ARHGAP40: variants seen among roughly 807,000 people sequenced by gnomAD.
ARHGAP40 encodes rho GTPase-activating protein 40.
In ARHGAP40, 43 loss-of-function variants were observed where a neutral mutation model predicts 73.5. The ratio of observed to expected loss-of-function variants is 0.58; its 90% CI spans 0.46 to 0.75. The LOEUF (loss-of-function observed/expected upper bound fraction) is 0.75, where lower values mean the gene tolerates loss of function less well. ARHGAP40 is among the 30% of genes least tolerant of loss of function. The pLI is 0.00. For synonymous variants in ARHGAP40, 300 were observed against 352.8 expected, an observed-to-expected ratio of 0.85 and a Z score of 1.68; for missense variants, 734 against 861.8, an observed-to-expected ratio of 0.85 and a Z score of 1.86.
chr20:38,633,743 C>G (rs528653649), intron 5 of ARHGAP40, among the ~76,000 whole-genome samples: 2 of 152,244 alleles, frequency 1.3e-5, no homozygotes, highest in South Asian at 2.1e-4. Flanking sequence ...CTGGCCCTCC[C>G]GCTTGCCTTC....
At chr20:38,624,293 C>T (rs748114215) in intron 2 of ARHGAP40, among the ~76,000 whole-genome samples, 16 of 152,060 alleles carry the variant, frequency 1.1e-4, no homozygotes, top group Non-Finnish European at 1.3e-4. Flanking sequence ...CACAGCATGG[C>T]GGCTGGGTTC....
chr20:38,632,267 ATT>A (rs35380499), intron 5 of ARHGAP40, among the ~76,000 whole-genome samples: 13 of 139,744 alleles, frequency 9.3e-5, no homozygotes, highest in African/African-American at 2.4e-4. Context: ...CCCGGCCTAA[ATT>A]TTTTTTTTTT....
At chr20:38,623,624 A>C in intron 2 of ARHGAP40, 66 bp downstream of exon 2, 4 of 1,193,012 alleles carry the variant, frequency 3.4e-6, no homozygotes, top group Non-Finnish European at 4.3e-6. Flanking sequence ...GAGAAATGTC[A>C]GAGGATCCAG....
chr20:38,625,522 G>A (rs537246879), intron 2 of ARHGAP40, among the ~76,000 whole-genome samples: 3 of 152,236 alleles, frequency 2.0e-5, no homozygotes, highest in African/African-American at 7.2e-5. Flanking sequence ...GGGTTCAAGC[G>A]ATTCTCCTGC....
chr20:38,641,195 C>T lies in ARHGAP40; in HGVS notation c.1280-531C>T, dbSNP rs1601149546. Among the ~76,000 whole-genome samples the T allele has an allele frequency of 1.3e-5, 2 of 152,272 alleles. 1 individual carries two copies. The highest frequency in any genetic ancestry group is 4.2e-4 in the South Asian group (2 of 4,816). On this transcript the variant is annotated intron_variant, in intron 9 of 14. Coordinates refer to ENST00000373345, the Ensembl canonical transcript of ARHGAP40. ...CTCCTACGCAGCTCTTCTCCAGGTT[C>T]CAGCCAGCTCTCAGCTGCTGGGTCT...
chr20:38,620,174 G>C (rs540422473), intron 1 of ARHGAP40, among the ~76,000 whole-genome samples: 2 of 152,374 alleles, frequency 1.3e-5, no homozygotes, highest in East Asian at 3.9e-4. Flanking sequence ...TGTATACTTA[G>C]CACCTGAGTA....
At chr20:38,639,181 C>T (rs1027850301) in intron 8 of ARHGAP40, 46 bp from the exon 9 acceptor site, 1 of 1,297,252 alleles carries the variant, frequency 7.7e-7, no homozygotes. Flanking sequence ...GCGACTTCTA[C>T]CAGAGCCCTG....
rs540855255 is a variant in ARHGAP40, at chr20:38,606,005, G to T, written c.137+3926G>T. Among the ~76,000 whole-genome samples the T allele has an allele frequency of 1.5e-4, 23 of 152,188 alleles. No individual in the cohort carries two copies. The South Asian group carries it at 4.6e-3, about 30-fold the overall frequency. The stretch of plus-strand genomic sequence containing the variant: ...GGCTCAAGTGATCCTGGGACCACAG[G>T]CATGCACCACCACGCCTAGCTATTT... On this transcript the variant is annotated intron_variant, in intron 1 of 14. Transcript: ENST00000373345.
chr20:38,648,920 G>A (rs76761298), intron 14 of ARHGAP40, among the ~76,000 whole-genome samples: 6,095 of 152,268 alleles, frequency 0.04, 419 homozygotes, highest in African/African-American at 0.14. Context: ...ATTTTGCCTA[G>A]AGCTGGCCTC....
intron 5 of ARHGAP40, among the ~76,000 whole-genome samples, chr20:38,630,102 GTTTTT>G (rs2088928825): frequency 2.2e-5 from 1 of 45,986 alleles, no homozygotes; most frequent in Non-Finnish European, 5.2e-5. Flanking sequence ...TTCTTTCTTT[GTTTTT>G]CTTTTCTTTC....
At chr20:38,645,840 C>T (rs773317506) in intron 11 of ARHGAP40, among the ~76,000 whole-genome samples, 2 of 152,220 alleles carry the variant, frequency 1.3e-5, no homozygotes, top group African/African-American at 4.8e-5. Context: ...CTCTCAGGGT[C>T]CCCTACTCCA....
intron 4 of ARHGAP40, 96 bp from the exon 5 acceptor site, chr20:38,629,403 ACTT>A: frequency 8.4e-7 from 1 of 1,185,958 alleles, no homozygotes; most frequent in Non-Finnish European, 1.1e-6. Flanking sequence ...TTGGGAGCTC[ACTT>A]CTTAGGACTA....
At chr20:38,647,171 G>A in intron 13 of ARHGAP40, 45 bp downstream of exon 13, 5 of 1,282,942 alleles carry the variant, frequency 3.9e-6, no homozygotes, top group Non-Finnish European at 5.1e-6. Context: ...CCTGCAGGGA[G>A]GGCTCTGCAC....
intron 1 of ARHGAP40, among the ~76,000 whole-genome samples, chr20:38,614,725 C>T (rs550355243): frequency 4.6e-5 from 7 of 152,252 alleles, no homozygotes; most frequent in African/African-American, 1.4e-4. Flanking sequence ...GAAGAATGTC[C>T]CAGGGAGCTA....
intron 1 of ARHGAP40, among the ~76,000 whole-genome samples, chr20:38,609,142 G>A (rs2088790456): frequency 6.6e-6 from 1 of 152,186 alleles, no homozygotes; most frequent in Admixed American, 6.5e-5. Flanking sequence ...ATTCCAGGGA[G>A]TAGTGGGTAG....
At chr20:38,642,594 C>G (rs893269082) in intron 10 of ARHGAP40, among the ~76,000 whole-genome samples, 1 of 151,842 alleles carries the variant, frequency 6.6e-6, no homozygotes, top group Admixed American at 6.6e-5. Context: ...CCCTCCCTCT[C>G]TCCCTTCCTT....
chr20:38,650,281 T>C (rs1367902022), exon 15 of ARHGAP40: 2 of 464,268 alleles, frequency 4.3e-6, no homozygotes, highest in South Asian at 1.6e-5. Flanking sequence ...GCTTCCAGAC[T>C]GGAGGAAAAT....
intron 2 of ARHGAP40, among the ~76,000 whole-genome samples, chr20:38,626,053 C>T (rs1441745934): frequency 6.6e-6 from 1 of 152,194 alleles, no homozygotes; most frequent in Non-Finnish European, 1.5e-5. Flanking sequence ...CCTCCACCAG[C>T]CAGCACAAGT....
exon 14 of ARHGAP40, chr20:38,648,680 G>A: frequency 7.7e-7 from 1 of 1,305,802 alleles, no homozygotes; most frequent in Non-Finnish European, 1.0e-6. Flanking sequence ...CCTCCTCTAT[G>A]AAGTTGGAGG....
Sources: allele counts gnomAD v4.1 joint callset (sites outside exome capture counted in the v4.1 genomes callset), GRCh38; gene constraint gnomAD v4.1.1; transcripts MANE v1.5; gene names NCBI Gene and HGNC (gene_info 2026-07-23, HGNC 2026-07-21).